The following ZC3H4 variants were observed in gnomAD, a reference collection of about 807,000 sequenced individuals.
The protein encoded by ZC3H4 is zinc finger CCCH domain-containing protein 4.
Under a neutral mutation model 108.3 loss-of-function variants are expected in ZC3H4, and 13 were observed. The ratio of observed to expected loss-of-function variants is 0.12; its 90% confidence interval spans 0.08 to 0.19. The LOEUF is 0.19. ZC3H4 is among the 10% of genes least tolerant of loss of function. The pLI is 1.00. For missense variants in ZC3H4, 1,734 were observed against 1,838.8 expected (o/e 0.94, Z 1.04); for synonymous variants, 917 against 749.6 (o/e 1.22, Z -3.65).
chr19:47,087,585 T>TA (rs2057654065), intron 5 of ZC3H4, among the ~76,000 whole-genome samples: 2 of 150,986 alleles, frequency 1.3e-5, no homozygotes, highest in African/African-American at 4.9e-5. Context: ...CTACTAAAAA[T>TA]ACAAAAAATT....
chr19:47,093,934 G>C, intron 4 of ZC3H4, 36 bp downstream of exon 4: 1 of 1,569,754 alleles, frequency 6.4e-7, no homozygotes, highest in Non-Finnish European at 8.7e-7. Flanking sequence ...AACTCCTCCC[G>C]GCCCCAGAGC....
intron 11 of ZC3H4, among the ~76,000 whole-genome samples, chr19:47,080,365 C>A (rs1023195000): frequency 6.6e-6 from 1 of 152,188 alleles, no homozygotes. Context: ...CCCAAGGGAG[C>A]CTTCCCCTTT....
Position 47,065,295 on chromosome 19 carries a change from A to C in ZC3H4, c.*1061T>G, listed in dbSNP as rs2057178557. The C allele has an allele frequency of 6.5e-6, 1 of 152,830 alleles. No homozygotes were observed. Among genetic ancestry groups the C allele is most frequent in the Non-Finnish European group, 1.5e-5 (1 of 68,230 alleles). 9.5% of individuals were successfully genotyped at this position (152,830 alleles called of 1,614,324 possible). On this transcript the variant is annotated 3_prime_UTR_variant, in exon 15 of 15. Transcript: ENST00000253048. ...CTGCTGGCTTGGGAAAGGAAACCCG[A>C]ACACATCAATACCTCATGCCCTGCA...
intron 2 of ZC3H4, among the ~76,000 whole-genome samples, chr19:47,098,098 AAGAAC>A (rs1367776868): frequency 6.6e-6 from 1 of 152,194 alleles, no homozygotes; most frequent in Non-Finnish European, 1.5e-5. Flanking sequence ...CCCCTGGTCA[AAGAAC>A]AGATCTGGAC....
intron 5 of ZC3H4, among the ~76,000 whole-genome samples, chr19:47,089,256 G>A (rs1257440843): frequency 6.8e-6 from 1 of 146,404 alleles, no homozygotes; most frequent in Non-Finnish European, 1.5e-5. Flanking sequence ...TACTCAACAA[G>A]CTGGGCCTCA....
rs2057461061 is a variant in ZC3H4 at position 47,078,446 on chromosome 19, C to T, written c.1440+3067G>A. Among the ~76,000 whole-genome samples, 3 of 150,120 alleles carry T rather than the reference C, an allele frequency of 2.0e-5. No homozygotes were observed. In the South Asian group the frequency reaches 6.3e-4, roughly 32 times the overall value. On this transcript the variant is annotated intron_variant, in intron 11 of 14. Transcript: ENST00000253048. The stretch of plus-strand genomic sequence containing the variant: ...TTGCAGTGAGCCGAGACCACGCCCA[C>T]TGCACTCCAGCCTGGCAACAGAGCG...
intron 2 of ZC3H4, among the ~76,000 whole-genome samples, chr19:47,109,475 G>C (rs2058009082): frequency 6.6e-6 from 1 of 151,486 alleles, no homozygotes; most frequent in Admixed American, 6.6e-5. Context: ...TCAGCTCCTG[G>C]AGAAAGAATT....
intron 1 of ZC3H4, 115 bp from the exon 2 acceptor site, chr19:47,112,704 TC>T (rs1915821176): frequency 1.2e-5 from 7 of 561,244 alleles, no homozygotes; most frequent in African/African-American, 7.7e-5. Flanking sequence ...TTTTTCGGTT[TC>T]GGAATCACCT....
intron 2 of ZC3H4, among the ~76,000 whole-genome samples, chr19:47,094,828 A>C (rs2057795627): frequency 6.6e-6 from 1 of 152,186 alleles, no homozygotes; most frequent in Non-Finnish European, 1.5e-5. Flanking sequence ...GAGGGGTAGG[A>C]GTTTAAGGGC....
chr19:47,108,679 G>A (rs1289912087), intron 2 of ZC3H4, among the ~76,000 whole-genome samples: 4 of 152,176 alleles, frequency 2.6e-5, no homozygotes, highest in African/African-American at 9.7e-5. Context: ...ATTCTCCCCT[G>A]GGATCAGCCT....
chr19:47,104,493 T>G (rs891813323), intron 2 of ZC3H4, among the ~76,000 whole-genome samples: 1 of 152,188 alleles, frequency 6.6e-6, no homozygotes, highest in Non-Finnish European at 1.5e-5. Flanking sequence ...GCATATTCTA[T>G]ATGAAGTATC....
At chr19:47,110,196 A>T (rs1313113481) in intron 2 of ZC3H4, among the ~76,000 whole-genome samples, 1 of 152,078 alleles carries the variant, frequency 6.6e-6, no homozygotes. Context: ...GAGCTACTTG[A>T]ACCAATCTTT....
In ZC3H4 at chr19:47,075,904, G is replaced by A. The variant is rs144095497; in HGVS notation, c.1441-3191C>T. Among the ~76,000 whole-genome samples, 300 of 152,238 alleles carry A rather than the reference G, an allele frequency of 2.0e-3. 4 individuals are homozygous for A. The highest frequency in any genetic ancestry group is 3.8e-3 in the Non-Finnish European group (256 of 68,008). On this transcript the variant is annotated intron_variant, in intron 11 of 14. Coordinates refer to ENST00000253048, the MANE Select transcript of ZC3H4 (RefSeq NM_015168.2). ...CCTGCCAGCACAGACCCTGTGGAGG[G>A]CACCTCTGTCCCTGGCCCCTCCACC...
At chr19:47,095,169 G>A (rs1260471475) in intron 2 of ZC3H4, among the ~76,000 whole-genome samples, 2 of 152,222 alleles carry the variant, frequency 1.3e-5, no homozygotes, top group African/African-American at 2.4e-5. Context: ...TGCCACCTGA[G>A]GCTGAGGGCG....
Position 47,072,209 on chromosome 19 carries a change from G to A in ZC3H4, c.1803-88C>T, listed in dbSNP as rs1175550833. 25 of 1,402,550 alleles carry A rather than the reference G, an allele frequency of 1.8e-5. No individual in the cohort carries two copies. The East Asian group carries it at 2.7e-4, about 15-fold the overall frequency. 86.9% of individuals were successfully genotyped at this position (1,402,550 alleles called of 1,614,324 possible). A position where few individuals can be genotyped will look rare whatever the true frequency, so the allele number is the denominator to read the frequency against. On this transcript the variant is annotated intron_variant, in intron 12 of 14. Transcript: ENST00000253048. This position sits in a 1 kb window ranked among gnomAD's most constrained non-coding sequence, Gnocchi z 5.6. ...AGGAGAGGCGGAGGGCTGCAGAGCC[G>A]AAGGTCATGGGCCCCAGACCAGGAC...
At chr19:47,097,319 T>C (rs1464968888) in intron 2 of ZC3H4, among the ~76,000 whole-genome samples, 2 of 152,324 alleles carry the variant, frequency 1.3e-5, no homozygotes, top group Admixed American at 6.5e-5. Flanking sequence ...ATTTTTTTGT[T>C]GTTGTTAAAC....
intron 5 of ZC3H4, among the ~76,000 whole-genome samples, chr19:47,087,357 G>A (rs951480591): frequency 2.7e-5 from 4 of 150,830 alleles, no homozygotes; most frequent in African/African-American, 4.9e-5. Context: ...TTGATTACAC[G>A]TTGAAGTAAG....
At position 47,071,966 on chromosome 19, in the gene ZC3H4, G is replaced by GGCATGTCTGCGT. The variant is rs548858570; in HGVS notation, c.1946_1957dup (p.His649_Met652dup). ...GCCAGGATTCATGCCAGGGCCCATC[G>GGCATGTCTGCGT]GCATGTCTGCGTGCATGTCTGCGTG... On this transcript the variant is annotated inframe_insertion, in exon 13 of 15. Coordinates refer to ENST00000253048, the MANE Select transcript of ZC3H4 (RefSeq NM_015168.2). 39 of 1,611,658 alleles carry GGCATGTCTGCGT rather than the reference G, an allele frequency of 2.4e-5. No homozygotes were observed. The Middle Eastern group carries it at 4.9e-4, about 20-fold the overall frequency.
intron 10 of ZC3H4, 143 bp downstream of exon 10, chr19:47,082,041 G>T: frequency 1.4e-6 from 1 of 734,642 alleles, no homozygotes; most frequent in African/African-American, 1.7e-5. Flanking sequence ...GCGGACGTGA[G>T]TGTTAAATGA....
Sources: allele counts gnomAD v4.1 joint callset (sites outside exome capture counted in the v4.1 genomes callset), GRCh38; gene constraint gnomAD v4.1.1; non-coding constraint Gnocchi (gnomAD v3.1); transcripts MANE v1.5; gene names NCBI Gene and HGNC (gene_info 2026-07-23, HGNC 2026-07-21).